Variants in CYREN observed in about 807,000 individuals in gnomAD.
CYREN encodes the protein cell cycle regulator of non-homologous end joining.
Under a neutral mutation model 9.7 loss-of-function variants are expected in CYREN, and 7 were observed. The observed-to-expected ratio is 0.72, with a 90% CI of 0.41 to 1.36. The LOEUF (loss-of-function observed/expected upper bound fraction) is 1.36, where lower values mean the gene tolerates loss of function less well. Ranked by LOEUF, CYREN falls within the 40% of genes most tolerant of loss-of-function variation. The probability of loss-of-function intolerance (pLI) is 0.01; values close to 1 mark genes in which losing one functional copy is unlikely to be tolerated. For missense variants in CYREN, 215 were observed against 198.1 expected (o/e 1.09, Z -0.51); for synonymous variants, 76 against 77.9 (o/e 0.98, Z 0.13).
chr7:135,154,054 A>G (rs1040442086), intron 2 of CYREN, among the ~76,000 whole-genome samples: 8 of 152,058 alleles, frequency 5.3e-5, no homozygotes, highest in African/African-American at 1.7e-4. Flanking sequence ...TCCTGGTTCA[A>G]TCTTGGGGGA....
intron 2 of CYREN, chr7:135,135,210 T>C: frequency 6.5e-7 from 1 of 1,545,116 alleles, no homozygotes; most frequent in Non-Finnish European, 8.7e-7. Flanking sequence ...AGCAGGCCAA[T>C]AAGAATGATG....
At chr7:135,153,485 A>C (rs554038363) in intron 2 of CYREN, among the ~76,000 whole-genome samples, 1 of 151,834 alleles carries the variant, frequency 6.6e-6, no homozygotes, top group East Asian at 1.9e-4. Context: ...AAGTCTAAAA[A>C]CTCTAAAAAC....
chr7:135,172,052 T>C (rs1458093877), upstream of CYREN, among the ~76,000 whole-genome samples: 10 of 140,880 alleles, frequency 7.1e-5, no homozygotes, highest in African/African-American at 2.2e-4. Flanking sequence ...TGTATTGACA[T>C]CTTTGTTCTG....
At chr7:135,124,030 T>C (rs1050509670) in intron 2 of CYREN, among the ~76,000 whole-genome samples, 20 of 152,150 alleles carry the variant, frequency 1.3e-4, no homozygotes, top group African/African-American at 4.8e-4. Flanking sequence ...CAGGATCAAA[T>C]TGACACATTA....
rs76866424 is a variant in CYREN, at chr7:135,129,623, A to G, written n.357-35041T>C. 2.5e-3 allele frequency: 1,955 copies of G among 777,412 alleles called. 10 individuals carry two copies. The highest frequency in any genetic ancestry group is 3.4e-3 in the South Asian group (254 of 74,292). The allele number at this position is 777,412 out of a possible 1,614,324, so 48.2% of individuals were successfully genotyped here. A position where few individuals can be genotyped will look rare whatever the true frequency, so the allele number is the denominator to read the frequency against. ...AACATTTCACTGATCCTGCTTCAAC[A>G]TGTCTTAAACAGCTGTTTTATGCTG... On this transcript the variant is annotated intron_variant and non_coding_transcript_variant, in intron 2 of 2. Coordinates refer to the CYREN transcript ENST00000459937.
chr7:135,137,472 T>C (rs1309819262), intron 2 of CYREN, among the ~76,000 whole-genome samples: 1 of 151,808 alleles, frequency 6.6e-6, no homozygotes, highest in African/African-American at 2.4e-5. Flanking sequence ...ACAAGAAATA[T>C]TGAAGCAGTA....
exon 3 of CYREN, chr7:135,093,993 G>A (rs186670831): frequency 9.9e-4 from 169 of 170,830 alleles, no homozygotes; most frequent in Admixed American, 1.6e-3. Flanking sequence ...AATTGGATGG[G>A]GAAAAAAAAT....
chr7:135,160,746 AAC>A (rs1554389261), intron 2 of CYREN, among the ~76,000 whole-genome samples: 1 of 151,548 alleles, frequency 6.6e-6, no homozygotes, highest in Non-Finnish European at 1.5e-5. Context: ...AAAAAAAAAA[AAC>A]AAAAAAAAGA....
At chr7:135,128,013 G>C (rs1172402855) in intron 2 of CYREN, among the ~76,000 whole-genome samples, 2 of 152,044 alleles carry the variant, frequency 1.3e-5, no homozygotes, top group Admixed American at 1.3e-4. Flanking sequence ...AATGGGATCT[G>C]CCAGGCACGG....
chr7:135,164,639 G>C (rs1349052522), downstream of CYREN: 2 of 1,613,436 alleles, frequency 1.2e-6, no homozygotes, highest in East Asian at 2.2e-5. Flanking sequence ...AGTGTCACCA[G>C]TTCCCTGAGC....
chr7:135,106,879 T>C (rs1421993424), intron 2 of CYREN, among the ~76,000 whole-genome samples: 1 of 152,160 alleles, frequency 6.6e-6, no homozygotes, highest in Non-Finnish European at 1.5e-5. Context: ...TTATTACTGA[T>C]TCTATTTCAG....
chr7:135,143,744 G>C (rs1332249721), intron 2 of CYREN, among the ~76,000 whole-genome samples: 3 of 152,096 alleles, frequency 2.0e-5, no homozygotes, highest in African/African-American at 7.2e-5. Context: ...AGGGGAACCT[G>C]GTAGAAATAT....
intron 2 of CYREN, among the ~76,000 whole-genome samples, chr7:135,119,932 G>A (rs989426960): frequency 6.6e-6 from 1 of 152,154 alleles, no homozygotes; most frequent in Non-Finnish European, 1.5e-5. Flanking sequence ...CTTTCCTACA[G>A]AGGAAAAACA....
At chr7:135,144,534 C>T (rs1294475954) in intron 2 of CYREN, among the ~76,000 whole-genome samples, 1 of 151,940 alleles carries the variant, frequency 6.6e-6, no homozygotes, top group Non-Finnish European at 1.5e-5. Context: ...AACCATAGGC[C>T]AGCTAGGTTG....
At chr7:135,111,742 C>A (rs1825671301) in intron 2 of CYREN, among the ~76,000 whole-genome samples, 1 of 152,174 alleles carries the variant, frequency 6.6e-6, no homozygotes, top group Non-Finnish European at 1.5e-5. Flanking sequence ...GACATCACCT[C>A]TGCCTAAATT....
intron 2 of CYREN, among the ~76,000 whole-genome samples, chr7:135,117,784 C>A (rs1826539926): frequency 6.6e-6 from 1 of 152,180 alleles, no homozygotes; most frequent in Non-Finnish European, 1.5e-5. Flanking sequence ...CTACCTCAGG[C>A]ACAATTTGCC....
At chr7:135,096,174 A>G (rs1240102509) in intron 2 of CYREN, among the ~76,000 whole-genome samples, 1 of 151,782 alleles carries the variant, frequency 6.6e-6, no homozygotes, top group East Asian at 1.9e-4. Context: ...TTAATCTTTG[A>G]CTTTACCTGT....
chr7:135,123,154 G>T (rs1827380024), intron 2 of CYREN, among the ~76,000 whole-genome samples: 1 of 152,148 alleles, frequency 6.6e-6, no homozygotes, highest in Non-Finnish European at 1.5e-5. Context: ...GTTGATAAAA[G>T]GTTAGAGTAG....
In CYREN at chr7:135,151,653, C is replaced by A. The variant is rs142918989; in HGVS notation, n.356+17096G>T. On this transcript the variant is annotated intron_variant and non_coding_transcript_variant, in intron 2 of 2. Coordinates refer to the CYREN transcript ENST00000459937. This position sits in a 1 kb window ranked among gnomAD's most constrained non-coding sequence, Gnocchi z 4.3. The stretch of plus-strand genomic sequence containing the variant: ...GCAGACACATTGACCCAGTTTGTGT[C>A]AGGCCCCAAGCCCTCTATATGTGAG... Among the ~76,000 whole-genome samples, 794 of 152,334 alleles carry A rather than the reference C, an allele frequency of 5.2e-3. 29 individuals are homozygous for A. The highest frequency in any genetic ancestry group is 3.4e-3 in the Middle Eastern group (1 of 294).
Sources: allele counts gnomAD v4.1 joint callset (sites outside exome capture counted in the v4.1 genomes callset), GRCh38; gene constraint gnomAD v4.1.1; non-coding constraint Gnocchi (gnomAD v3.1); transcripts MANE v1.5; gene names NCBI Gene and HGNC (gene_info 2026-07-23, HGNC 2026-07-21).